HERC2: variants seen among roughly 807,000 people sequenced by gnomAD.
HERC2 encodes the protein HECT and RLD domain containing E3 ubiquitin protein ligase 2, also known as E3 ubiquitin-protein ligase HERC2.
HERC2 carries 102 observed loss-of-function variants against 537.7 expected under a neutral mutation model. The observed-to-expected ratio is 0.19, with a 90% CI of 0.16 to 0.22. The LOEUF (loss-of-function observed/expected upper bound fraction) is 0.22, where lower values mean the gene tolerates loss of function less well. HERC2 is among the 10% of genes least tolerant of loss of function. The pLI is 1.00. For missense variants in HERC2, 4,236 were observed against 6,198.2 expected (o/e 0.68, Z 10.63); for synonymous variants, 2,224 against 2,466.2 (o/e 0.90, Z 2.91).
At chr15:28,222,478 T>C (rs1900622669) in intron 35 of HERC2, among the ~76,000 whole-genome samples, 1 of 152,188 alleles carries the variant, frequency 6.6e-6, no homozygotes, top group Non-Finnish European at 1.5e-5. Context: ...TTCTAGGAAT[T>C]ACTCCCCCCA....
At chr15:28,248,244 C>T (rs1405521930) in intron 21 of HERC2, among the ~76,000 whole-genome samples, 2 of 152,198 alleles carry the variant, frequency 1.3e-5, no homozygotes, top group East Asian at 3.9e-4. Flanking sequence ...TACATCATGC[C>T]AGTCTCCAGC....
chr15:28,141,444 C>T lies in HERC2; in HGVS notation c.12003G>A (p.Thr4001=), dbSNP rs142071453. ...IGGEQTLFAV[T]ADGKLYATGY... is the part of the protein sequence containing the mutation. ...AAAGAGCTCTTACCTTCCCATCAGC[C>T]GTCACAGCAAAGAGGGTCTGTTCCC... The change falls in exon 78 of 93, where the codon ACG becomes ACA. Residue 4001 remains threonine, a synonymous_variant. Transcript: ENST00000261609. The T allele has an allele frequency of 4.3e-6, 7 of 1,613,882 alleles. No individual in the cohort carries two copies. The highest frequency in any genetic ancestry group is 2.7e-5 in the African/African-American group (2 of 74,854).
intron 35 of HERC2, 62 bp downstream of exon 35, chr15:28,228,156 A>C (rs1901427212): frequency 7.1e-7 from 1 of 1,408,458 alleles, no homozygotes; most frequent in Non-Finnish European, 9.7e-7. Flanking sequence ...AAAAGAAAAG[A>C]AAAGAAATCA....
chr15:28,299,474 T>C lies in HERC2; in HGVS notation c.115A>G (p.Met39Val), dbSNP rs1327589979. Residue 39 changes from methionine to valine, a missense_variant, in exon 3 of 93, where the codon ATG (methionine) becomes GTG (valine). Met to Val is a conservative substitution (Grantham distance 21). Coordinates refer to ENST00000261609, the MANE Select transcript of HERC2 (RefSeq NM_004667.6). Reference sequence around the variant, plus strand: ...TATACAATTTCTCCATCTTTAACCATTTCATTCCACAGACCACAGAGCCCA... The same window carrying C: ...TATACAATTTCTCCATCTTTAACCACTTCATTCCACAGACCACAGAGCCCA... The part of the protein sequence containing the change: ...RDGLCGLWNE[M>V]VKDGEIVYTG... The C allele has an allele frequency of 1.3e-6, 2 of 1,577,798 alleles. No homozygotes were observed.
At chr15:28,144,269 C>CA in intron 72 of HERC2, 34 bp from the exon 73 acceptor site, 2 of 1,606,472 alleles carry the variant, frequency 1.2e-6, no homozygotes. Flanking sequence ...CCCCGGGTTT[C>CA]ACAAGCTAGG....
chr15:28,125,642 G>A (rs1046213699), intron 83 of HERC2, among the ~76,000 whole-genome samples: 3 of 151,928 alleles, frequency 2.0e-5, no homozygotes, highest in East Asian at 1.9e-4. Flanking sequence ...TCTTGCATGC[G>A]AAACAGAAAA....
chr15:28,123,378 G>A (rs918360187), intron 85 of HERC2, among the ~76,000 whole-genome samples: 5 of 152,198 alleles, frequency 3.3e-5, no homozygotes, highest in African/African-American at 1.2e-4. Flanking sequence ...TCCCTATACA[G>A]AGATGCCCCT....
intron 26 of HERC2, among the ~76,000 whole-genome samples, chr15:28,235,246 C>T (rs555611683): frequency 3.3e-5 from 5 of 152,126 alleles, no homozygotes; most frequent in Non-Finnish European, 5.9e-5. Context: ...TCTCTGGCCC[C>T]CTCTCTTTAA....
chr15:28,267,109 A>G (rs976391460), intron 12 of HERC2, among the ~76,000 whole-genome samples: 2 of 152,128 alleles, frequency 1.3e-5, no homozygotes, highest in African/African-American at 4.8e-5. Flanking sequence ...TGTTCCTATG[A>G]TGGATGACAT....
At chr15:28,120,957 G>A (rs1888818119) in intron 86 of HERC2, among the ~76,000 whole-genome samples, 1 of 152,166 alleles carries the variant, frequency 6.6e-6, no homozygotes, top group African/African-American at 2.4e-5. Context: ...CTATTCCATG[G>A]CAGGGAGGAG....
intron 69 of HERC2, among the ~76,000 whole-genome samples, chr15:28,160,398 GC>G (rs1893465820): frequency 6.6e-6 from 1 of 152,192 alleles, no homozygotes; most frequent in South Asian, 2.1e-4. Flanking sequence ...CAGCTTCCGG[GC>G]CGCTTTGTTT....
chr15:28,177,102 C>T lies in HERC2; in HGVS notation c.9280G>A (p.Glu3094Lys), dbSNP rs1185601136. Residue 3094 changes from glutamate to lysine, a missense_variant, in exon 61 of 93, where the codon GAG becomes AAG. Glu to Lys is a moderately conservative substitution (Grantham distance 56, BLOSUM62 1). This residue lies in a region of HERC2 where 606 missense variants were observed against 884.5 expected (regional missense o/e 0.69). Coordinates refer to ENST00000261609, the MANE Select transcript of HERC2 (RefSeq NM_004667.6). This position sits in a 1 kb window ranked among gnomAD's most constrained non-coding sequence, Gnocchi z 5.0. ...RMNCDKPRLIEALKTKRIRDI... is the reference protein window; with the variant it reads ...RMNCDKPRLIKALKTKRIRDI... ...CGGATACGCTTGGTTTTCAGGGCCT[C>T]GATCAGCCTTGGTTTGTCACAGTTC... The T allele has an allele frequency of 1.2e-6, 2 of 1,613,356 alleles. No individual in the cohort carries two copies. The highest frequency in any genetic ancestry group is 1.7e-6 in the Non-Finnish European group (2 of 1,179,484).
rs1334315622 is a variant in HERC2 at position 28,175,555 on chromosome 15, G to A, written c.9788C>T (p.Ala3263Val). ...CGCCAGGCAGTGCAGGGCCCCGACA[G>A]CCACATGCACGATCTTCTTCCCTCT... ...GLRGKKIVHV[A>V]VGALHCLAVT... is the part of the protein sequence containing the mutation. Residue 3263 changes from alanine (A) to valine (V), a missense_variant, in exon 64 of 93, where the codon GCT becomes GTT. By Grantham distance (64) the Ala-to-Val change is moderately conservative. Around this residue, in one of 27 missense-constraint regions of HERC2, gnomAD observed 93 missense variants for 265.1 expected, o/e 0.35. Transcript: ENST00000261609. The A allele has an allele frequency of 1.5e-5, 24 of 1,613,928 alleles. No homozygotes were observed. Among genetic ancestry groups the A allele is most frequent in the Non-Finnish European group, 1.9e-5 (23 of 1,179,902 alleles).
In HERC2 at chr15:28,167,764, C is replaced by A. The variant is rs756107939; in HGVS notation, c.10477G>T (p.Ala3493Ser). The A allele has an allele frequency of 6.2e-7, 1 of 1,614,136 alleles. No individual in the cohort carries two copies. The highest frequency in any genetic ancestry group is 1.1e-5 in the South Asian group (1 of 91,084). Residue 3493 changes from alanine to serine, a missense_variant, in exon 68 of 93, where the codon GCT becomes TCT. By Grantham distance (99) the Ala-to-Ser change is moderately conservative (BLOSUM62 1). Around this residue, in one of 27 missense-constraint regions of HERC2, gnomAD observed 356 missense variants for 450.9 expected, o/e 0.79. Coordinates refer to ENST00000261609, the MANE Select transcript of HERC2 (RefSeq NM_004667.6). ...TCCGTCACTGGGATAAAAGGCCGAG[C>A]GGAGGCTGAGGGGGCCGACGGAGTC... ...AVTPSAPSASARPFIPVTDDL... is the reference protein window; with the variant it reads ...AVTPSAPSASSRPFIPVTDDL...
At chr15:28,131,584 C>A (rs1207441510) in intron 81 of HERC2, among the ~76,000 whole-genome samples, 3 of 152,192 alleles carry the variant, frequency 2.0e-5, no homozygotes, top group South Asian at 4.1e-4. Flanking sequence ...AGCCACCGGG[C>A]TTGAGTGGAG....
rs750899160 is a variant in HERC2 at position 28,113,653 on chromosome 15, C to T, written c.13939G>A (p.Ala4647Thr). ...YRLHEFDEQV[A>T]AVREGMARVV... is the part of the protein sequence containing the mutation. ...CGGGCCATTCCTTCCCGAACAGCAG[C>T]CACCTGCTCATCAAATTCATGGAGT... The change falls in exon 91 of 93, where the codon GCT becomes ACT. Residue 4647 changes from alanine to threonine, a missense_variant. Ala to Thr is a moderately conservative substitution (Grantham distance 58). Coordinates refer to ENST00000261609, the MANE Select transcript of HERC2 (RefSeq NM_004667.6). The surrounding 1 kb of genome is among the most constrained non-coding windows in gnomAD (Gnocchi z 7.0). The T allele has an allele frequency of 2.5e-6, 4 of 1,613,956 alleles. No individual in the cohort carries two copies. In the Admixed American group the frequency reaches 6.7e-5, roughly 27 times the overall value.
chr15:28,220,077 G>A (rs1421397242), intron 37 of HERC2, among the ~76,000 whole-genome samples: 1 of 152,188 alleles, frequency 6.6e-6, no homozygotes, highest in East Asian at 1.9e-4. Flanking sequence ...AGGAGGCAAT[G>A]GACCGAGACC....
chr15:28,210,808 A>C (rs1425257807), intron 44 of HERC2, among the ~76,000 whole-genome samples, 194 bp downstream of exon 44: 1 of 152,118 alleles, frequency 6.6e-6, no homozygotes, highest in Non-Finnish European at 1.5e-5. Flanking sequence ...CCCACCCACC[A>C]GATGCCCTCA....
At chr15:28,235,304 C>T (rs1386722359) in intron 26 of HERC2, among the ~76,000 whole-genome samples, 1 of 152,182 alleles carries the variant, frequency 6.6e-6, no homozygotes, top group African/African-American at 2.4e-5. Flanking sequence ...CTCTGATCCT[C>T]CTGTGGATTG....
Sources: gnomAD v4.1 joint callset for allele counts (sites outside exome capture counted in the v4.1 genomes callset) on GRCh38, gnomAD v4.1.1 for gene constraint, gnomAD v4.1.1 regional missense constraint, Gnocchi (gnomAD v3.1) non-coding constraint, MANE v1.5 for transcripts, NCBI Gene and HGNC (gene_info 2026-07-23, HGNC 2026-07-21) for gene names.